USP48: variants seen among roughly 807,000 people sequenced by gnomAD.
USP48 encodes the protein ubiquitin specific peptidase 48, also known as ubiquitin carboxyl-terminal hydrolase 48.
In USP48, 43 loss-of-function variants were observed where a neutral mutation model predicts 150.7. The observed-to-expected ratio is 0.29, with a 90% CI of 0.22 to 0.37. The LOEUF (loss-of-function observed/expected upper bound fraction) is 0.37, where lower values mean the gene tolerates loss of function less well. Ranked by LOEUF, USP48 falls within the 10% of genes least tolerant of loss-of-function variation. The pLI is 1.00. For missense variants in USP48, 813 were observed against 1,249.6 expected, an observed-to-expected ratio of 0.65 and a Z score of 5.27; for synonymous variants, 396 against 425.9, an observed-to-expected ratio of 0.93 and a Z score of 0.86.
intron 1 of USP48, among the ~76,000 whole-genome samples, chr1:21,775,201 C>T (rs1434289626): frequency 1.3e-5 from 2 of 151,798 alleles, no homozygotes; most frequent in East Asian, 3.9e-4. Context: ...CTTAAGCCAT[C>T]CTCCCACCTC....
At chr1:21,732,676 G>C in intron 9 of USP48, 2 of 371,266 alleles carry the variant, frequency 5.4e-6, no homozygotes, top group Non-Finnish European at 1.0e-5. Flanking sequence ...TATTCCATTA[G>C]AATAAAATTC....
intron 6 of USP48, among the ~76,000 whole-genome samples, chr1:21,750,449 T>C (rs1242370130): frequency 6.6e-6 from 1 of 152,140 alleles, no homozygotes; most frequent in African/African-American, 2.4e-5. Flanking sequence ...CAGCCCTTAT[T>C]GTAGTTGACC....
intron 7 of USP48, 26 bp from the exon 8 acceptor site, chr1:21,747,175 T>A: frequency 6.5e-7 from 1 of 1,528,936 alleles, no homozygotes; most frequent in Non-Finnish European, 9.0e-7. Flanking sequence ...GCTGATTATA[T>A]TTACATTTAA....
At position 21,705,750 on chromosome 1, in the gene USP48, G is replaced by C. The variant is rs768174093; in HGVS notation, c.2361C>G (p.Ser787=). ...PHGGLMFTFA[S]MTKEDSKLIA... The stretch of plus-strand genomic sequence containing the variant: ...ACAGTTTAGAATCTTCTTTGGTCAT[G>C]GAAGCAAATGTAAACATGAGGCCCC... Residue 787 remains serine (S), a synonymous_variant, in exon 19 of 27, where the codon TCC becomes TCG. Coordinates refer to ENST00000308271, the MANE Select transcript of USP48 (RefSeq NM_032236.8). 1.2e-6 allele frequency: 2 copies of C among 1,609,966 alleles called. No homozygotes were observed.
At chr1:21,700,231 TTGAC>T (rs776621562) in intron 22 of USP48, among the ~76,000 whole-genome samples, 9 of 152,004 alleles carry the variant, frequency 5.9e-5, no homozygotes, top group Non-Finnish European at 1.2e-4. Flanking sequence ...CCCTCCAGTG[TTGAC>T]TGACTGAAAT....
At chr1:21,685,665 G>A (rs2097578702) in intron 25 of USP48, among the ~76,000 whole-genome samples, 1 of 152,094 alleles carries the variant, frequency 6.6e-6, no homozygotes, top group East Asian at 1.9e-4. Flanking sequence ...TAGTAATGCT[G>A]CTAATTTTTG....
At chr1:21,702,294 A>G (rs2097659366) in intron 21 of USP48, among the ~76,000 whole-genome samples, 1 of 152,166 alleles carries the variant, frequency 6.6e-6, no homozygotes, top group African/African-American at 2.4e-5. Context: ...CAAGCATCAA[A>G]TAAAATGTAT....
chr1:21,721,017 C>G lies in USP48; in HGVS notation c.1894+19G>C. 6.2e-7 allele frequency: 1 copy of G among 1,613,624 alleles called. No homozygotes were observed. Among genetic ancestry groups the G allele is most frequent in the Non-Finnish European group, 8.5e-7 (1 of 1,179,694 alleles). ...TGGTATAGTTTCACAATGATCTACACATAGGTTTAAAGTGTTACCTTTATT... is the reference window on the plus strand; with the variant it reads ...TGGTATAGTTTCACAATGATCTACAGATAGGTTTAAAGTGTTACCTTTATT... On this transcript the variant is annotated intron_variant, in intron 14 of 26. Coordinates refer to ENST00000308271, the MANE Select transcript of USP48 (RefSeq NM_032236.8).
chr1:21,767,945 C>T (rs552260051), intron 1 of USP48, among the ~76,000 whole-genome samples: 3 of 152,184 alleles, frequency 2.0e-5, no homozygotes, highest in African/African-American at 7.2e-5. Flanking sequence ...TGGTGGCTCA[C>T]GCCTGCAATC....
At chr1:21,768,326 A>C (rs1452791191) in intron 1 of USP48, 1 of 164,804 alleles carries the variant, frequency 6.1e-6, no homozygotes, top group Non-Finnish European at 1.4e-5. Flanking sequence ...CCTGATTGCT[A>C]TTTTCCAGGA....
chr1:21,706,279 G>C (rs1017068186), intron 17 of USP48, 92 bp from the exon 18 acceptor site: 1 of 1,518,594 alleles, frequency 6.6e-7, no homozygotes, highest in Non-Finnish European at 9.0e-7. Context: ...CCTTATTCAA[G>C]TTTTATAAAT....
At chr1:21,701,675 G>T in intron 21 of USP48, 73 bp from the exon 22 acceptor site, 1 of 1,240,342 alleles carries the variant, frequency 8.1e-7, no homozygotes, top group Non-Finnish European at 1.2e-6. Flanking sequence ...TGTGGGGGCT[G>T]GGACCGGCAA....
At chr1:21,696,296 G>A (rs184142766) in intron 22 of USP48, among the ~76,000 whole-genome samples, 32 of 152,086 alleles carry the variant, frequency 2.1e-4, no homozygotes, top group African/African-American at 3.1e-4. Flanking sequence ...AAAATTAGCC[G>A]GGCATGGTGG....
chr1:21,769,067 T>G (rs1438422417), intron 1 of USP48, among the ~76,000 whole-genome samples: 2 of 152,198 alleles, frequency 1.3e-5, no homozygotes, highest in East Asian at 3.8e-4. Flanking sequence ...TTTGAGTTGT[T>G]GCTTTTGCTA....
intron 1 of USP48, among the ~76,000 whole-genome samples, chr1:21,765,001 A>G (rs770991124): frequency 7.9e-5 from 12 of 152,218 alleles, no homozygotes; most frequent in Non-Finnish European, 1.2e-4. Flanking sequence ...TATATTTCTT[A>G]TAAATCAAAA....
intron 22 of USP48, among the ~76,000 whole-genome samples, chr1:21,699,735 CGAACTCTTA>C (rs1230942951): frequency 4.6e-5 from 7 of 151,516 alleles, no homozygotes; most frequent in Non-Finnish European, 1.0e-4. Context: ...AGGCTGGTGT[CGAACTCTTA>C]ACCTCAAGTG....
At chr1:21,730,744 A>G (rs1366721615) in intron 9 of USP48, among the ~76,000 whole-genome samples, 1 of 151,350 alleles carries the variant, frequency 6.6e-6, no homozygotes, top group Admixed American at 6.6e-5. Flanking sequence ...TGGGACTTCA[A>G]CTCTACTGGA....
chr1:21,694,589 A>AAC (rs2097617746), intron 23 of USP48, among the ~76,000 whole-genome samples: 3 of 139,750 alleles, frequency 2.1e-5, no homozygotes, highest in Admixed American at 1.5e-4. Context: ...AAAAAAAAAA[A>AAC]AAAAAAAAAA....
At chr1:21,781,320 T>C (rs2097913968) in intron 1 of USP48, among the ~76,000 whole-genome samples, 1 of 151,956 alleles carries the variant, frequency 6.6e-6, no homozygotes, top group African/African-American at 2.4e-5. Context: ...ATGCCTGTAA[T>C]CCCAGCTATT....
Sources: allele counts gnomAD v4.1 joint callset (sites outside exome capture counted in the v4.1 genomes callset), GRCh38; gene constraint gnomAD v4.1.1; transcripts MANE v1.5; gene names NCBI Gene and HGNC (gene_info 2026-07-23, HGNC 2026-07-21).